Variants in NHSL2 observed in about 807,000 individuals in gnomAD.
NHSL2 encodes the protein NHS-like protein 2.
A neutral mutation model predicts 53.4 loss-of-function variants in NHSL2; 27 were observed. That is an observed-to-expected ratio of 0.51 (90% CI 0.37 to 0.70). The LOEUF is 0.70. NHSL2 is among the 30% of genes least tolerant of loss of function. The probability of loss-of-function intolerance (pLI) is 0.00; values close to 1 mark genes in which losing one functional copy is unlikely to be tolerated. For missense variants in NHSL2, 892 were observed against 980.1 expected, an observed-to-expected ratio of 0.91 and a Z score of 1.20; for synonymous variants, 408 against 404.1, an observed-to-expected ratio of 1.01 and a Z score of -0.12.
intron 1 of NHSL2, among the ~76,000 whole-genome samples, chrX:72,104,770 G>A (rs2042024670): frequency 9.0e-6 from 1 of 111,405 alleles, no homozygotes; most frequent in South Asian, 3.8e-4. Context: ...GGGCAGACTG[G>A]GAGAGTGGCT....
At chrX:72,069,075 G>A (rs1440445396) in intron 1 of NHSL2, among the ~76,000 whole-genome samples, 1 of 112,504 alleles carries the variant, frequency 8.9e-6, no homozygotes, top group African/African-American at 3.2e-5. Context: ...GAATTCCTGG[G>A]TAGCACATTC....
intron 1 of NHSL2, among the ~76,000 whole-genome samples, chrX:72,065,731 G>A (rs1245888362): frequency 8.9e-6 from 1 of 112,151 alleles, no homozygotes; most frequent in Non-Finnish European, 1.9e-5. Flanking sequence ...AGCTGGGGAG[G>A]TTAAGTAAGT....
chrX:71,988,220 G>T (rs1341897809), intron 1 of NHSL2, among the ~76,000 whole-genome samples: 2 of 111,716 alleles, frequency 1.8e-5, no homozygotes, highest in Non-Finnish European at 3.8e-5. Context: ...AGGTTTTGTT[G>T]AAGGGATCTT....
intron 1 of NHSL2, among the ~76,000 whole-genome samples, chrX:72,072,876 G>A (rs2041712028): frequency 9.0e-6 from 1 of 111,650 alleles, no homozygotes; most frequent in African/African-American, 3.3e-5. Context: ...CCAAAGGGTG[G>A]GAAAGAACCC....
chrX:72,087,300 G>T (rs1201765922), intron 1 of NHSL2, among the ~76,000 whole-genome samples: 1 of 112,376 alleles, frequency 8.9e-6, no homozygotes, highest in East Asian at 2.8e-4. Context: ...GAAACATGTA[G>T]ACCAGACCAA....
chrX:72,036,186 C>T (rs1342040271), intron 1 of NHSL2, among the ~76,000 whole-genome samples: 1 of 112,150 alleles, frequency 8.9e-6, no homozygotes, highest in African/African-American at 3.2e-5. Context: ...GGCCTGGTAA[C>T]AAAGTTTCTT....
At chrX:72,090,174 C>T (rs947944916) in intron 1 of NHSL2, among the ~76,000 whole-genome samples, 1 of 111,023 alleles carries the variant, frequency 9.0e-6, no homozygotes, top group African/African-American at 3.3e-5. Flanking sequence ...AGTGATCCTC[C>T]CACATCAGCC....
intron 1 of NHSL2, among the ~76,000 whole-genome samples, chrX:71,948,972 G>C (rs1387931234): frequency 9.4e-6 from 1 of 106,762 alleles, no homozygotes; most frequent in East Asian, 3.0e-4. Flanking sequence ...TGCCCAGGCT[G>C]GTCTCAAATT....
chrX:72,002,491 A>G (rs768048427), intron 1 of NHSL2, among the ~76,000 whole-genome samples: 3 of 112,643 alleles, frequency 2.7e-5, no homozygotes, highest in Non-Finnish European at 3.7e-5. Context: ...AGCTTTATAA[A>G]TGTAACATCT....
At chrX:71,999,680 A>G (rs2042064499) in intron 1 of NHSL2, among the ~76,000 whole-genome samples, 1 of 112,239 alleles carries the variant, frequency 8.9e-6, no homozygotes, top group Admixed American at 9.4e-5. Context: ...GTTTTGATCA[A>G]TGTTTTATAA....
intron 1 of NHSL2, among the ~76,000 whole-genome samples, chrX:71,921,877 C>G (rs776490061): frequency 8.9e-6 from 1 of 112,430 alleles, no homozygotes; most frequent in East Asian, 2.8e-4. Context: ...TCTGATGTGG[C>G]ACACTCTTTC....
chrX:71,963,949 C>CTATATATA (rs1447693800), intron 1 of NHSL2, among the ~76,000 whole-genome samples: 5,616 of 24,482 alleles, frequency 0.23, 884 homozygotes, highest in African/African-American at 0.36. Context: ...GGTGGAGTGG[C>CTATATATA]TATATATATA....
Position 72,151,183 on chromosome X carries a change from A to AT in NHSL2, c.*7623dup, listed in dbSNP as rs373883242. 0.018 allele frequency: 1,787 copies of AT among 99,789 alleles called. 29 individuals are homozygous for AT. Among genetic ancestry groups the AT allele is most frequent in the African/African-American group, 0.049 (1,347 of 27,411 alleles). The allele number at this position is 99,789 out of a possible 1,213,427, so 8.2% of individuals were successfully genotyped here. A position where few individuals can be genotyped will look rare whatever the true frequency, so the allele number is the denominator to read the frequency against. Reference sequence around the variant, plus strand: ...GTGCGTGCCACCATGCCCAGCTAATATTTTTTTTTTTTTTGTATTTTTAGT... The same window carrying AT: ...GTGCGTGCCACCATGCCCAGCTAATATTTTTTTTTTTTTTTGTATTTTTAGT... On this transcript the variant is annotated 3_prime_UTR_variant, in exon 8 of 8. Transcript: ENST00000633930.
At chrX:72,119,187 A>G (rs1161999169) in intron 1 of NHSL2, among the ~76,000 whole-genome samples, 1 of 111,669 alleles carries the variant, frequency 9.0e-6, no homozygotes, top group Non-Finnish European at 1.9e-5. Flanking sequence ...AGCATTGTAT[A>G]AAGTTTGACA....
At chrX:72,051,349 A>T (rs2042339419) in intron 1 of NHSL2, among the ~76,000 whole-genome samples, 1 of 112,479 alleles carries the variant, frequency 8.9e-6, no homozygotes, top group Admixed American at 9.4e-5. Context: ...AGTTGTATGT[A>T]CCTAGAAAGA....
intron 1 of NHSL2, among the ~76,000 whole-genome samples, chrX:72,077,890 C>A (rs1028093057): frequency 8.9e-6 from 1 of 112,423 alleles, no homozygotes; most frequent in Non-Finnish European, 1.9e-5. Context: ...CCCAGGGTAC[C>A]GGTCAGAAAG....
At chrX:71,976,570 A>AT (rs1242178546) in intron 1 of NHSL2, among the ~76,000 whole-genome samples, 5 of 110,627 alleles carry the variant, frequency 4.5e-5, no homozygotes, top group African/African-American at 6.6e-5. Flanking sequence ...CTGTCTTATT[A>AT]ATTTTTTTCT....
chrX:72,003,027 C>A (rs766247628), intron 1 of NHSL2, among the ~76,000 whole-genome samples: 48 of 110,195 alleles, frequency 4.4e-4, no homozygotes, highest in African/African-American at 1.5e-3. Flanking sequence ...TTGTGCTATT[C>A]CCTCATGCTG....
At chrX:72,069,718 G>T in intron 1 of NHSL2, 1 of 936,575 alleles carries the variant, frequency 1.1e-6, no homozygotes, top group Non-Finnish European at 1.3e-6. Flanking sequence ...AAGCAACCGA[G>T]GAGTAAAAGC....
Sources: gnomAD v4.1 joint callset for allele counts (sites outside exome capture counted in the v4.1 genomes callset) on GRCh38, gnomAD v4.1.1 for gene constraint, MANE v1.5 for transcripts, NCBI Gene and HGNC (gene_info 2026-07-23, HGNC 2026-07-21) for gene names.